Variants in MSH6 observed in about 807,000 individuals in gnomAD.
MSH6 encodes mutS homolog 6.
MSH6 carries 85 observed loss-of-function variants against 119.1 expected under a neutral mutation model. The observed-to-expected ratio is 0.71, with a 90% CI of 0.60 to 0.85. MSH6 has a LOEUF of 0.85. MSH6 is among the 40% of genes least tolerant of loss of function. MSH6 has a pLI of 0.00. For synonymous variants in MSH6, 830 were observed against 586.9 expected, an observed-to-expected ratio of 1.41 and a Z score of -5.99; for missense variants, 2,163 against 1,655.3, an observed-to-expected ratio of 1.31 and a Z score of -5.32.
At chr2:47,792,755 C>G (rs1668816421) in intron 2 of MSH6, among the ~76,000 whole-genome samples, 1 of 151,948 alleles carries the variant, frequency 6.6e-6, no homozygotes, top group Non-Finnish European at 1.5e-5. Context: ...GAGCCTTGAA[C>G]TCCTGGGCTC....
At position 47,783,697 on chromosome 2, in the gene MSH6, G is replaced by A. The variant is rs1317342665; in HGVS notation, c.260+204G>A. On this transcript the variant is annotated intron_variant, in intron 1 of 9. Transcript: ENST00000234420. ...GTGTAGCTTGTAAACAGGGTCGGAGGAGAGAGGCTGTGCAGGAAGAGGGCT... is the reference window on the plus strand; with the variant it reads ...GTGTAGCTTGTAAACAGGGTCGGAGAAGAGAGGCTGTGCAGGAAGAGGGCT... The A allele has an allele frequency of 1.1e-4, 61 of 546,634 alleles. 2 individuals carry two copies. In the South Asian group the frequency reaches 2.3e-3, roughly 21 times the overall value. 33.9% of individuals were successfully genotyped at this position (546,634 alleles called of 1,614,324 possible).
chr2:47,807,830 C>A, downstream of MSH6: 1 of 296,762 alleles, frequency 3.4e-6, no homozygotes, highest in Non-Finnish European at 6.3e-6. Context: ...GTAAAAACAC[C>A]AGCTTTTCAG....
chr2:47,806,610 A>AAGAG lies in MSH6; in HGVS notation c.3962_3965dup (p.Phe1323ArgfsTer3), dbSNP rs1670140478. On this transcript the variant is annotated frameshift_variant, in exon 9 of 10. Coordinates refer to ENST00000234420, the MANE Select transcript of MSH6 (RefSeq NM_000179.3). LOFTEE classifies it high-confidence loss of function. ...TTATTCAAAAGGGACATAGAAAAGC[A>AAGAG]AGAGAATTTGAGAAGATGAATCAGT... 6.2e-7 allele frequency: 1 copy of AAGAG among 1,612,908 alleles called. No homozygotes were observed. Among genetic ancestry groups the AAGAG allele is most frequent in the African/African-American group, 1.3e-5 (1 of 75,006 alleles).
chr2:47,794,855 T>G (rs1477742797), intron 2 of MSH6, among the ~76,000 whole-genome samples: 1 of 152,072 alleles, frequency 6.6e-6, no homozygotes, highest in Non-Finnish European at 1.5e-5. Context: ...AGTGCAGTGG[T>G]GCGATCTTGG....
At position 47,806,527 on chromosome 2, in the gene MSH6, G is replaced by A. The variant is rs1461336062; in HGVS notation, c.3877G>A (p.Ala1293Thr). The A allele has an allele frequency of 6.2e-7, 1 of 1,613,978 alleles. No homozygotes were observed. The highest frequency in any genetic ancestry group is 8.5e-7 in the Non-Finnish European group (1 of 1,179,946). The change falls in exon 9 of 10, where the codon GCT becomes ACT. Residue 1293 changes from alanine to threonine, a missense_variant. Ala to Thr is a moderately conservative substitution (Grantham distance 58). Transcript: ENST00000234420. ...GTTCCTCTATAAATTCATTAAGGGA[G>A]CTTGTCCTAAAAGCTATGGCTTTAA... ...ITFLYKFIKG[A>T]CPKSYGFNAA...
At chr2:47,804,846 AAGAC>A in intron 5 of MSH6, 60 bp from the exon 6 acceptor site, 3 of 1,275,832 alleles carry the variant, frequency 2.4e-6, no homozygotes, top group Non-Finnish European at 3.4e-6. Context: ...GTTCATAAGA[AAGAC>A]AAAAGTTTAT....
intron 1 of MSH6, 38 bp downstream of exon 1, chr2:47,783,531 G>T: frequency 7.1e-7 from 1 of 1,406,892 alleles, no homozygotes. Context: ...CGGGGGCATA[G>T]CGGCGGGGCG....
chr2:47,806,743 C>CAAAA, intron 9 of MSH6, 36 bp from the exon 10 acceptor site: 1 of 1,389,272 alleles, frequency 7.2e-7, no homozygotes, highest in Non-Finnish European at 9.8e-7. Context: ...TATGAAAAAA[C>CAAAA]AAAAAAACTT....
At chr2:47,793,771 C>T (rs1246908813) in intron 2 of MSH6, among the ~76,000 whole-genome samples, 2 of 151,404 alleles carry the variant, frequency 1.3e-5, no homozygotes, top group African/African-American at 4.8e-5. Context: ...AGCTTTATCA[C>T]CCAGGCTGGA....
chr2:47,809,154 T>G (rs1363141549), downstream of MSH6: 7 of 1,504,262 alleles, frequency 4.7e-6, no homozygotes, highest in African/African-American at 1.4e-5. Flanking sequence ...TATTTCTAAG[T>G]TACCTGTAGA....
intron 4 of MSH6, among the ~76,000 whole-genome samples, chr2:47,801,982 CTTTA>C (rs1230430811): frequency 6.6e-6 from 1 of 152,142 alleles, no homozygotes; most frequent in Non-Finnish European, 1.5e-5. Context: ...ATGAGACAGG[CTTTA>C]TTTTAGATCG....
At position 47,803,541 on chromosome 2, in the gene MSH6, C is replaced by CT; in HGVS notation, c.3294_3295insT (p.Ile1099TyrfsTer9). 6.2e-7 allele frequency: 1 copy of CT among 1,614,136 alleles called. No homozygotes were observed. Among genetic ancestry groups the CT allele is most frequent in the Non-Finnish European group, 8.5e-7 (1 of 1,180,036 alleles). On this transcript the variant is annotated frameshift_variant, in exon 5 of 10. Transcript: ENST00000234420. LOFTEE classifies it high-confidence loss of function. ...AGCTTAAAGGATCACGCCATCCTTG[C>CT]ATTACGAAGACTTTTTTTGGAGATG... is the stretch of plus-strand genomic sequence containing the variant.
rs876658881 is a variant in MSH6 at position 47,799,501 on chromosome 2, T to TA, written c.1519dup (p.Arg507LysfsTer9). 1 of 1,614,048 alleles carries TA rather than the reference T, an allele frequency of 6.2e-7. No individual in the cohort carries two copies. Among genetic ancestry groups the TA allele is most frequent in the Non-Finnish European group, 8.5e-7 (1 of 1,180,000 alleles). Reference sequence around the variant, plus strand: ...AGATGGCACATATATCCAAGTATGATAGAGTGGTGAGGAGGGAGATCTGTA... The same window carrying TA: ...AGATGGCACATATATCCAAGTATGATAAGAGTGGTGAGGAGGGAGATCTGTA... On this transcript the variant is annotated frameshift_variant, in exon 4 of 10. Coordinates refer to ENST00000234420, the MANE Select transcript of MSH6 (RefSeq NM_000179.3). LOFTEE classifies it high-confidence loss of function.
intron 6 of MSH6, among the ~76,000 whole-genome samples, 157 bp downstream of exon 6, chr2:47,805,184 T>TC (rs1491440281): frequency 2.4e-4 from 33 of 135,884 alleles, no homozygotes; most frequent in South Asian, 9.0e-4. Context: ...TCTCTCTCTC[T>TC]TTTTTTTTTT....
At chr2:47,808,948 C>T (rs956212877), downstream of MSH6, 12 of 418,138 alleles carry the variant, frequency 2.9e-5, no homozygotes, top group African/African-American at 2.5e-4. Flanking sequence ...CCTCCCACTT[C>T]AGCCTCCCAA....
intron 2 of MSH6, among the ~76,000 whole-genome samples, chr2:47,791,675 C>CTT (rs575880393): frequency 2.6e-4 from 34 of 132,500 alleles, no homozygotes; most frequent in Admixed American, 3.1e-4. Context: ...CTCTTTCTTT[C>CTT]TTTTTTTTTT....
rs1064795591 is a variant in MSH6 at position 47,799,916 on chromosome 2, G to A, written c.1933G>A (p.Glu645Lys). The A allele has an allele frequency of 1.2e-6, 2 of 1,614,156 alleles. No individual in the cohort carries two copies. The highest frequency in any genetic ancestry group is 1.7e-6 in the Non-Finnish European group (2 of 1,180,030). The change falls in exon 4 of 10, where the codon GAA becomes AAA. Residue 645 changes from glutamate (E) to lysine (K), a missense_variant. Glu to Lys is a moderately conservative substitution (Grantham distance 56). Coordinates refer to ENST00000234420, the MANE Select transcript of MSH6 (RefSeq NM_000179.3). ...RTLLEEEYFR[E>K]KLSDGIGVML... ...TCTCCTTGAGGAAGAATATTTTAGG[G>A]AAAAGCTAAGTGATGGCATTGGGGT...
chr2:47,795,640 A>AT (rs951528168), intron 2 of MSH6, among the ~76,000 whole-genome samples: 99 of 145,662 alleles, frequency 6.8e-4, no homozygotes, highest in Admixed American at 1.4e-3. Flanking sequence ...TAATTTTTGT[A>AT]TTTTTTTTTT....
intron 4 of MSH6, among the ~76,000 whole-genome samples, chr2:47,802,948 G>T (rs894204380): frequency 1.3e-5 from 2 of 152,112 alleles, no homozygotes; most frequent in Non-Finnish European, 1.5e-5. Flanking sequence ...GAGTCTCTCT[G>T]TCGCCCAGGC....
Sources: gnomAD v4.1 joint callset for allele counts (sites outside exome capture counted in the v4.1 genomes callset) on GRCh38, gnomAD v4.1.1 for gene constraint, MANE v1.5 for transcripts, NCBI Gene and HGNC (gene_info 2026-07-23, HGNC 2026-07-21) for gene names.